Variants in PRR16 observed in about 807,000 individuals in gnomAD.
PRR16 encodes protein Largen.
Under a neutral mutation model 18.2 loss-of-function variants are expected in PRR16, and 6 were observed. That is an observed-to-expected ratio of 0.33 (90% CI 0.18 to 0.65). The LOEUF (loss-of-function observed/expected upper bound fraction) is 0.65. Among genes scored for constraint, PRR16 ranks in the 30% least tolerant of loss-of-function variants. PRR16 has a pLI of 0.74. For synonymous variants in PRR16, 151 were observed against 147.8 expected, an observed-to-expected ratio of 1.02 and a Z score of -0.16; for missense variants, 412 against 376.6, an observed-to-expected ratio of 1.09 and a Z score of -0.78.
At chr5:120,503,047 G>T (rs926086160) in intron 1 of PRR16, among the ~76,000 whole-genome samples, 1 of 151,886 alleles carries the variant, frequency 6.6e-6, no homozygotes, top group African/African-American at 2.4e-5. Flanking sequence ...GAAGCCACTA[G>T]GTTAAAAAAG....
At chr5:120,746,483 G>T in the PRR16 span, among the ~76,000 whole-genome samples, 6 of 151,906 alleles carry the variant, frequency 3.9e-5, no homozygotes, top group Non-Finnish European at 8.8e-5. Context: ...AGCCAACTCG[G>T]AACTAAAACT....
the PRR16 span, chr5:120,781,517 C>T: frequency 6.6e-6 from 1 of 152,120 alleles, no homozygotes; most frequent in African/African-American, 2.4e-5. Context: ...GTAAGTGCTC[C>T]TTTCCTTGGT....
chr5:120,756,988 G>C, the PRR16 span, among the ~76,000 whole-genome samples: 1 of 151,954 alleles, frequency 6.6e-6, no homozygotes, highest in Admixed American at 6.6e-5. Flanking sequence ...TTTAGTTTTT[G>C]TATATGGGGA....
chr5:120,544,227 T>G (rs7442772), intron 1 of PRR16, among the ~76,000 whole-genome samples: 29,038 of 152,136 alleles, frequency 0.19, 2,940 homozygotes, highest in Non-Finnish European at 0.21. Flanking sequence ...TGCTAGGGAC[T>G]GTAGCCCAGA....
At chr5:120,466,009 A>G (rs1479747148) in intron 1 of PRR16, among the ~76,000 whole-genome samples, 2 of 152,130 alleles carry the variant, frequency 1.3e-5, no homozygotes, top group Non-Finnish European at 2.9e-5. Context: ...AAAATGGGCC[A>G]TTCGTCACCA....
chr5:120,735,743 C>G, the PRR16 span, among the ~76,000 whole-genome samples: 2 of 152,024 alleles, frequency 1.3e-5, no homozygotes, highest in African/African-American at 4.8e-5. Context: ...TATCCCTTAT[C>G]AGACATATGA....
chr5:120,715,705 A>C, the PRR16 span, among the ~76,000 whole-genome samples: 1 of 152,212 alleles, frequency 6.6e-6, no homozygotes, highest in African/African-American at 2.4e-5. Flanking sequence ...AAAATAAATT[A>C]AACTGGTATT....
At chr5:120,470,825 TGTAAGTG>T (rs1488737815) in intron 1 of PRR16, among the ~76,000 whole-genome samples, 1 of 152,162 alleles carries the variant, frequency 6.6e-6, no homozygotes, top group Non-Finnish European at 1.5e-5. Context: ...TCACTTGTCT[TGTAAGTG>T]GAGAAGTGAA....
At chr5:120,493,799 T>A (rs1554078039) in intron 1 of PRR16, among the ~76,000 whole-genome samples, 2 of 152,158 alleles carry the variant, frequency 1.3e-5, no homozygotes, top group Non-Finnish European at 2.9e-5. Context: ...TAATCTTTTG[T>A]GGTTAGGCTT....
the PRR16 span, among the ~76,000 whole-genome samples, chr5:120,791,905 A>C: frequency 6.6e-6 from 1 of 152,132 alleles, no homozygotes; most frequent in African/African-American, 2.4e-5. Flanking sequence ...GTAATGAAGA[A>C]AATTAGTTTG....
chr5:120,698,140 A>G, the PRR16 span, among the ~76,000 whole-genome samples: 2 of 152,072 alleles, frequency 1.3e-5, no homozygotes, highest in Admixed American at 1.3e-4. Context: ...AGAATGGCCG[A>G]TGTTTCTCAG....
intron 1 of PRR16, among the ~76,000 whole-genome samples, chr5:120,630,321 T>C (rs905588489): frequency 6.6e-6 from 1 of 152,086 alleles, no homozygotes; most frequent in Non-Finnish European, 1.5e-5. Context: ...AGTTCTTGGG[T>C]TTCCATTCCT....
chr5:120,549,211 T>C (rs568135381), intron 1 of PRR16, among the ~76,000 whole-genome samples: 1 of 152,162 alleles, frequency 6.6e-6, no homozygotes, highest in Non-Finnish European at 1.5e-5. Context: ...TCCTCCTGCC[T>C]CAGTCTCCCA....
intron 1 of PRR16, among the ~76,000 whole-genome samples, chr5:120,606,293 G>A (rs1754151211): frequency 6.6e-6 from 1 of 152,158 alleles, no homozygotes; most frequent in Non-Finnish European, 1.5e-5. Flanking sequence ...TCCCAGAGCT[G>A]AGGAAACAGA....
intron 1 of PRR16, among the ~76,000 whole-genome samples, chr5:120,495,777 C>G (rs1287244134): frequency 6.6e-6 from 1 of 151,934 alleles, no homozygotes; most frequent in Non-Finnish European, 1.5e-5. Context: ...TTTACTGCTT[C>G]CTTTCTAATT....
the PRR16 span, among the ~76,000 whole-genome samples, chr5:120,768,184 A>G: frequency 4.6e-5 from 7 of 151,822 alleles, no homozygotes; most frequent in African/African-American, 1.4e-4. Flanking sequence ...ACCTTAATAC[A>G]TATTTTAATT....
chr5:120,677,350 G>A (rs1172410703), intron 1 of PRR16, among the ~76,000 whole-genome samples: 1 of 152,180 alleles, frequency 6.6e-6, no homozygotes, highest in Non-Finnish European at 1.5e-5. Flanking sequence ...TTCCAGAGGA[G>A]GGTATGTCAC....
intron 1 of PRR16, among the ~76,000 whole-genome samples, chr5:120,585,616 T>TAA (rs754413694): frequency 2.9e-5 from 4 of 135,754 alleles, no homozygotes; most frequent in African/African-American, 8.0e-5. Flanking sequence ...AGACTTGGTC[T>TAA]AAAAAAAAAA....
the PRR16 span, among the ~76,000 whole-genome samples, chr5:120,757,014 T>C: frequency 6.6e-6 from 1 of 152,076 alleles, no homozygotes; most frequent in Admixed American, 6.6e-5. Context: ...AGGTAGGGGG[T>C]CCAGTTTTAT....
Sources: gnomAD v4.1 joint callset for allele counts (sites outside exome capture counted in the v4.1 genomes callset) on GRCh38, gnomAD v4.1.1 for gene constraint, MANE v1.5 for transcripts, NCBI Gene and HGNC (gene_info 2026-07-23, HGNC 2026-07-21) for gene names.